Variants in SAMMSON observed in about 807,000 individuals in gnomAD.
The protein encoded by SAMMSON is survival associated mitochondrial melanoma specific oncogenic non-coding RNA.
chr3:70,151,287 T>G (rs1397962942), intron 4 of SAMMSON, among the ~76,000 whole-genome samples: 1 of 152,056 alleles, frequency 6.6e-6, no homozygotes, highest in South Asian at 2.1e-4. Context: ...CTCAGACTTC[T>G]GAGGATGGTG....
intron 3 of SAMMSON, among the ~76,000 whole-genome samples, chr3:70,021,863 A>G (rs1422506788): frequency 6.6e-6 from 1 of 152,206 alleles, no homozygotes; most frequent in East Asian, 1.9e-4. Context: ...ATTGCTATGC[A>G]TAGATAAAAC....
chr3:70,297,734 G>A (rs1702303737), intron 7 of SAMMSON, among the ~76,000 whole-genome samples: 1 of 151,956 alleles, frequency 6.6e-6, no homozygotes, highest in Non-Finnish European at 1.5e-5. Flanking sequence ...TGTGGGGTAT[G>A]TGTTAAGAAG....
In SAMMSON at chr3:70,101,026, T is replaced by C. The variant is rs76038765; in HGVS notation, n.507+29461T>C. Among the ~76,000 whole-genome samples, 525 of 152,352 alleles carry C rather than the reference T, an allele frequency of 3.4e-3. 3 individuals carry two copies. The highest frequency in any genetic ancestry group is 5.9e-3 in the Non-Finnish European group (398 of 68,026). ...GTGTAACATGTAAATCACTATTTTC[T>C]CACTTTCATAAGCAGCTGAATTTTT... is the stretch of plus-strand genomic sequence containing the variant. On this transcript the variant is annotated intron_variant and non_coding_transcript_variant, in intron 4 of 9. Coordinates refer to ENST00000642114, the Ensembl canonical transcript of SAMMSON.
At chr3:70,017,206 T>C (rs1008787924) in intron 3 of SAMMSON, among the ~76,000 whole-genome samples, 3 of 152,332 alleles carry the variant, frequency 2.0e-5, no homozygotes, top group Admixed American at 1.3e-4. Flanking sequence ...ATATTGATTC[T>C]TCCTACCCAT....
At chr3:70,211,042 T>C (rs1270283453) in intron 4 of SAMMSON, among the ~76,000 whole-genome samples, 3 of 152,136 alleles carry the variant, frequency 2.0e-5, no homozygotes, top group Non-Finnish European at 2.9e-5. Context: ...GATCACTAAA[T>C]GTGACTTTGT....
At chr3:70,126,610 A>G in intron 4 of SAMMSON, 2 of 373,374 alleles carry the variant, frequency 5.4e-6, no homozygotes, top group Non-Finnish European at 9.8e-6. Flanking sequence ...GAGAGCTGGC[A>G]TTTTCAAGCA....
chr3:70,094,726 T>C (rs1254392263), intron 4 of SAMMSON: 1 of 152,208 alleles, frequency 6.6e-6, no homozygotes, highest in Non-Finnish European at 1.5e-5. Context: ...GGTCCACCTA[T>C]CCTGTGCAGC....
intron 4 of SAMMSON, among the ~76,000 whole-genome samples, chr3:70,165,899 A>G (rs2067635033): frequency 6.6e-6 from 1 of 152,020 alleles, no homozygotes; most frequent in Admixed American, 6.6e-5. Context: ...AGGAGGTACC[A>G]TGAAGTGGAA....
chr3:70,245,669 CTT>C (rs1214842980), intron 4 of SAMMSON, among the ~76,000 whole-genome samples: 8 of 72,216 alleles, frequency 1.1e-4, no homozygotes, highest in Admixed American at 3.7e-4. Flanking sequence ...TTGCAAACTG[CTT>C]TATATATATA....
chr3:70,355,833 C>T (rs759992719), intron 8 of SAMMSON, among the ~76,000 whole-genome samples: 3 of 152,082 alleles, frequency 2.0e-5, no homozygotes, highest in Non-Finnish European at 2.9e-5. Flanking sequence ...AAATTCCAAA[C>T]GAAGGAACTA....
intron 7 of SAMMSON, among the ~76,000 whole-genome samples, chr3:70,351,728 C>T (rs1702796516): frequency 1.3e-5 from 2 of 151,956 alleles, no homozygotes; most frequent in Admixed American, 6.6e-5. Flanking sequence ...TCCCAAAAGC[C>T]TCCTCTCTCT....
intron 7 of SAMMSON, among the ~76,000 whole-genome samples, chr3:70,329,439 C>A (rs766747723): frequency 6.6e-6 from 1 of 151,960 alleles, no homozygotes; most frequent in South Asian, 2.1e-4. Context: ...TGTCTGGTTG[C>A]ATTAATCAAT....
chr3:70,208,903 C>T (rs1240226468), intron 4 of SAMMSON, among the ~76,000 whole-genome samples: 1 of 151,892 alleles, frequency 6.6e-6, no homozygotes, highest in African/African-American at 2.4e-5. Flanking sequence ...TTTCATCCAC[C>T]ATAAAAGGGA....
intron 4 of SAMMSON, among the ~76,000 whole-genome samples, chr3:70,200,562 C>T: frequency 6.6e-6 from 1 of 152,168 alleles, no homozygotes; most frequent in Non-Finnish European, 1.5e-5. Flanking sequence ...GCTTTAAACA[C>T]CTTCCCTTTA....
At chr3:70,079,169 G>C (rs142630858) in intron 4 of SAMMSON, among the ~76,000 whole-genome samples, 2 of 152,294 alleles carry the variant, frequency 1.3e-5, no homozygotes, top group East Asian at 1.9e-4. Flanking sequence ...TGTGGGGTAA[G>C]ACTGCCTGAG....
chr3:70,162,539 T>C (rs2067619621), intron 4 of SAMMSON, among the ~76,000 whole-genome samples: 2 of 151,942 alleles, frequency 1.3e-5, no homozygotes, highest in African/African-American at 4.8e-5. Context: ...GTGTTATGAT[T>C]TGTAGTATAG....
At chr3:70,004,958 A>G (rs1246043698) in intron 1 of SAMMSON, among the ~76,000 whole-genome samples, 3 of 152,172 alleles carry the variant, frequency 2.0e-5, no homozygotes, top group African/African-American at 7.2e-5. Context: ...GGAAGCCCAA[A>G]GGGGGAACTG....
intron 4 of SAMMSON, among the ~76,000 whole-genome samples, chr3:70,225,227 T>C (rs1242427163): frequency 2.6e-5 from 4 of 152,182 alleles, no homozygotes; most frequent in African/African-American, 9.7e-5. Context: ...AAATGTATAA[T>C]ACTGATATGT....
At chr3:70,287,590 A>C (rs949782434) in intron 6 of SAMMSON, among the ~76,000 whole-genome samples, 36 of 151,918 alleles carry the variant, frequency 2.4e-4, no homozygotes, top group African/African-American at 8.2e-4. Context: ...GTGAGGGAGG[A>C]TTCCCTCTTT....
Sources: gnomAD v4.1 joint callset for allele counts (sites outside exome capture counted in the v4.1 genomes callset) on GRCh38, gnomAD v4.1.1 for gene constraint, MANE v1.5 for transcripts, NCBI Gene and HGNC (gene_info 2026-07-23, HGNC 2026-07-21) for gene names.